The following RNF141 variants were observed in gnomAD, a reference collection of about 807,000 sequenced individuals.
The protein encoded by RNF141 is ring finger protein 141, also known as C3HC4-like zinc finger protein.
In RNF141, 18 loss-of-function variants were observed where a neutral mutation model predicts 27.4. That is an observed-to-expected ratio of 0.66 (90% confidence interval 0.45 to 0.97). RNF141 has a LOEUF of 0.97. Ranked by LOEUF, RNF141 falls within the 50% of genes least tolerant of loss-of-function variation. The pLI is 0.00. For synonymous variants in RNF141, 97 were observed against 96.6 expected, an observed-to-expected ratio of 1.00 and a Z score of -0.02; for missense variants, 230 against 279.4, an observed-to-expected ratio of 0.82 and a Z score of 1.26.
chr11:10,513,729 G>C lies in RNF141; in HGVS notation c.*1187C>G, dbSNP rs1218829628. The C allele has an allele frequency of 2.0e-5, 3 of 152,020 alleles. No homozygotes were observed. Among genetic ancestry groups the C allele is most frequent in the Non-Finnish European group, 4.4e-5 (3 of 68,016 alleles). 9.4% of individuals were successfully genotyped at this position (152,020 alleles called of 1,614,324 possible). A position where few individuals can be genotyped will look rare whatever the true frequency, so the allele number is the denominator to read the frequency against. Reference sequence around the variant, plus strand: ...GAGTCTCGTTCTGTCTCCCAGGCTGGAGTGCAGTGGTGTGATCTCGGCTCA... The same window carrying C: ...GAGTCTCGTTCTGTCTCCCAGGCTGCAGTGCAGTGGTGTGATCTCGGCTCA... On this transcript the variant is annotated 3_prime_UTR_variant, in exon 6 of 6. Coordinates refer to ENST00000265981, the MANE Select transcript of RNF141 (RefSeq NM_016422.4).
At chr11:10,539,090 C>G (rs1850062300) in intron 1 of RNF141, among the ~76,000 whole-genome samples, 1 of 152,090 alleles carries the variant, frequency 6.6e-6, no homozygotes, top group East Asian at 1.9e-4. Context: ...TTGAAATGCA[C>G]AAGATCAAGG....
intron 4 of RNF141, among the ~76,000 whole-genome samples, chr11:10,519,946 C>T (rs1849874649): frequency 6.6e-6 from 1 of 152,068 alleles, no homozygotes; most frequent in African/African-American, 2.4e-5. Flanking sequence ...CACATATATA[C>T]TAACACTAAC....
intron 2 of RNF141, among the ~76,000 whole-genome samples, chr11:10,532,681 A>G (rs865823084): frequency 6.6e-6 from 1 of 152,210 alleles, no homozygotes; most frequent in African/African-American, 2.4e-5. Context: ...CTTCACATAA[A>G]GACAGTATAT....
chr11:10,534,182 CCA>C lies in RNF141; in HGVS notation c.-26_-25del. Reference sequence around the variant, plus strand: ...ATGATGAAAAGATGTCTTTCAAAATCCAGAGTGTTGCTTCACATAGTTTCTGT... The same window carrying C: ...ATGATGAAAAGATGTCTTTCAAAATCGAGTGTTGCTTCACATAGTTTCTGT... On this transcript the variant is annotated 5_prime_UTR_variant, in exon 2 of 6. Coordinates refer to ENST00000265981, the MANE Select transcript of RNF141 (RefSeq NM_016422.4). 1 of 1,609,266 alleles carries C rather than the reference CCA, an allele frequency of 6.2e-7. No individual in the cohort carries two copies. The highest frequency in any genetic ancestry group is 8.5e-7 in the Non-Finnish European group (1 of 1,177,544).
chr11:10,512,342 A>G lies in RNF141; in HGVS notation c.*2574T>C, dbSNP rs1175713136. 2 of 152,686 alleles carry G rather than the reference A, an allele frequency of 1.3e-5. No individual in the cohort carries two copies. The highest frequency in any genetic ancestry group is 2.4e-5 in the African/African-American group (1 of 41,474). The allele number at this position is 152,686 out of a possible 1,614,324, so 9.5% of individuals were successfully genotyped here. A position where few individuals can be genotyped will look rare whatever the true frequency, so the allele number is the denominator to read the frequency against. On this transcript the variant is annotated 3_prime_UTR_variant, in exon 6 of 6. Transcript: ENST00000265981. The stretch of plus-strand genomic sequence containing the variant: ...ATCACCCAGTTCAATAGAGCGAACA[A>G]AGAGCTGTGCTCATTTATTTATTTG...
chr11:10,535,307 T>G (rs1270130050), intron 1 of RNF141, among the ~76,000 whole-genome samples: 3 of 151,612 alleles, frequency 2.0e-5, no homozygotes, highest in Admixed American at 2.0e-4. Flanking sequence ...GTACTGTATT[T>G]GAAGTTAATT....
intron 4 of RNF141, among the ~76,000 whole-genome samples, chr11:10,522,184 A>G (rs140338852): frequency 4.5e-4 from 68 of 152,362 alleles, no homozygotes; most frequent in African/African-American, 1.6e-3. Flanking sequence ...GGAAAACTGA[A>G]TAAAAACCTA....
intron 1 of RNF141, among the ~76,000 whole-genome samples, chr11:10,536,326 A>T (rs1373848036): frequency 6.6e-6 from 1 of 152,150 alleles, no homozygotes; most frequent in Non-Finnish European, 1.5e-5. Flanking sequence ...AATTTTTAAA[A>T]AGGCCACAAG....
rs1173057699 is a variant in RNF141 at position 10,513,252 on chromosome 11, C to G, written c.*1664G>C. 1 of 152,222 alleles carries G rather than the reference C, an allele frequency of 6.6e-6. No homozygotes were observed. The highest frequency in any genetic ancestry group is 1.5e-5 in the Non-Finnish European group (1 of 68,042). The allele number at this position is 152,222 out of a possible 1,614,324, so 9.4% of individuals were successfully genotyped here. A position where few individuals can be genotyped will look rare whatever the true frequency, so the allele number is the denominator to read the frequency against. ...TTTTGGGGGCGAAATCAAGCTACCC[C>G]TGGCCAGATGTTTTTCCTTGAAATT... On this transcript the variant is annotated 3_prime_UTR_variant, in exon 6 of 6. Transcript: ENST00000265981.
At position 10,512,495 on chromosome 11, in the gene RNF141, A is replaced by C. The variant is rs1275511694; in HGVS notation, c.*2421T>G. 2 of 152,646 alleles carry C rather than the reference A, an allele frequency of 1.3e-5. No individual in the cohort carries two copies. Among genetic ancestry groups the C allele is most frequent in the African/African-American group, 4.8e-5 (2 of 41,448 alleles). 9.5% of individuals were successfully genotyped at this position (152,646 alleles called of 1,614,324 possible). On this transcript the variant is annotated 3_prime_UTR_variant, in exon 6 of 6. Coordinates refer to ENST00000265981, the MANE Select transcript of RNF141 (RefSeq NM_016422.4). Reference sequence around the variant, plus strand: ...TGTTAAATAACTCCTTGAAAGGTGAAGGATTCTGGGGGATAAAATCATTGG... The same window carrying C: ...TGTTAAATAACTCCTTGAAAGGTGACGGATTCTGGGGGATAAAATCATTGG...
intron 3 of RNF141, among the ~76,000 whole-genome samples, chr11:10,526,739 G>A (rs1359512337): frequency 2.0e-5 from 3 of 150,220 alleles, no homozygotes; most frequent in African/African-American, 7.4e-5. Flanking sequence ...CCGAGATGGC[G>A]CCACTGCACT....
At chr11:10,539,701 A>ATATATAC (rs10524171) in intron 1 of RNF141, among the ~76,000 whole-genome samples, 1 of 31,476 alleles carries the variant, frequency 3.2e-5, no homozygotes, top group Non-Finnish European at 7.2e-5. Flanking sequence ...CATATATATT[A>ATATATAC]GAGAGAGAAG....
rs969297422 is a variant in RNF141 at position 10,514,785 on chromosome 11, C to A, written c.*131G>T. The A allele has an allele frequency of 1.3e-6, 1 of 799,898 alleles. No individual in the cohort carries two copies. The highest frequency in any genetic ancestry group is 1.8e-6 in the Non-Finnish European group (1 of 552,686). The allele number at this position is 799,898 out of a possible 1,614,324, so 49.6% of individuals were successfully genotyped here. A position where few individuals can be genotyped will look rare whatever the true frequency, so the allele number is the denominator to read the frequency against. On this transcript the variant is annotated 3_prime_UTR_variant, in exon 6 of 6. Transcript: ENST00000265981. ...TATTTTTAAAAGGGGGACAAATGAT[C>A]AGAATAGCAAAAATAAAAGAGTGGG...
chr11:10,529,085 C>T (rs572664230), intron 3 of RNF141, among the ~76,000 whole-genome samples: 1 of 152,242 alleles, frequency 6.6e-6, no homozygotes, highest in East Asian at 1.9e-4. Context: ...ATCCAAATAC[C>T]ATTCCTTCTT....
intron 4 of RNF141, among the ~76,000 whole-genome samples, chr11:10,523,313 C>G (rs1265734864): frequency 6.6e-6 from 1 of 152,200 alleles, no homozygotes; most frequent in African/African-American, 2.4e-5. Flanking sequence ...AGCTGTACTG[C>G]CAGACAGGCC....
intron 5 of RNF141, 131 bp from the exon 6 acceptor site, chr11:10,515,197 T>G: frequency 2.0e-6 from 2 of 977,074 alleles, no homozygotes; most frequent in Non-Finnish European, 2.9e-6. Context: ...AATAAATCCC[T>G]CCCTCCTATC....
At chr11:10,520,020 A>G (rs570959823) in intron 4 of RNF141, among the ~76,000 whole-genome samples, 1 of 152,316 alleles carries the variant, frequency 6.6e-6, no homozygotes, top group South Asian at 2.1e-4. Flanking sequence ...AAGGTTTATG[A>G]ATTTGTGTTG....
At chr11:10,524,441 T>C (rs777002999) in intron 4 of RNF141, among the ~76,000 whole-genome samples, 1 of 152,180 alleles carries the variant, frequency 6.6e-6, no homozygotes, top group Non-Finnish European at 1.5e-5. Flanking sequence ...CATTCTTAAC[T>C]TTAAGGTAAA....
At chr11:10,527,943 G>A (rs567941759) in intron 3 of RNF141, among the ~76,000 whole-genome samples, 1 of 152,224 alleles carries the variant, frequency 6.6e-6, no homozygotes, top group East Asian at 1.9e-4. Flanking sequence ...ACAAAGAAAA[G>A]CCAAGAATGA....
Sources: gnomAD v4.1 joint callset for allele counts (sites outside exome capture counted in the v4.1 genomes callset) on GRCh38, gnomAD v4.1.1 for gene constraint, MANE v1.5 for transcripts, NCBI Gene and HGNC (gene_info 2026-07-23, HGNC 2026-07-21) for gene names.